EPM2A: variants seen among roughly 807,000 people sequenced by gnomAD.
EPM2A encodes laforin.
A neutral mutation model predicts 26.5 loss-of-function variants in EPM2A; 21 were observed. The observed-to-expected ratio is 0.79, with a 90% CI of 0.56 to 1.14. The LOEUF is 1.14. Among genes scored for constraint, EPM2A ranks in the 50% most tolerant of loss-of-function variants. The probability of loss-of-function intolerance (pLI) is 0.00; values close to 1 mark genes in which losing one functional copy is unlikely to be tolerated. For missense variants in EPM2A, 458 were observed against 440.8 expected (o/e 1.04, Z -0.35); for synonymous variants, 217 against 177.6 (o/e 1.22, Z -1.76).
chr6:145,415,876 T>C (rs1429386222), intron 4 of EPM2A, among the ~76,000 whole-genome samples: 2 of 152,202 alleles, frequency 1.3e-5, no homozygotes, highest in African/African-American at 2.4e-5. Context: ...CATTTGCTTA[T>C]GCTTCTCTGA....
chr6:145,594,648 A>T (rs1458110435), intron 2 of EPM2A, among the ~76,000 whole-genome samples: 1 of 151,982 alleles, frequency 6.6e-6, no homozygotes, highest in Non-Finnish European at 1.5e-5. Context: ...TTTTAAAAAT[A>T]CTTTTACTCA....
intron 2 of EPM2A, among the ~76,000 whole-genome samples, chr6:145,518,185 A>C (rs1003637790): frequency 6.6e-6 from 1 of 152,178 alleles, no homozygotes. Flanking sequence ...TGAACCATAC[A>C]TCATTTTCTC....
chr6:145,443,601 A>G (rs1392478426), intron 4 of EPM2A, among the ~76,000 whole-genome samples: 2 of 152,160 alleles, frequency 1.3e-5, no homozygotes, highest in East Asian at 3.8e-4. Flanking sequence ...ACTTTGCTGA[A>G]GTTGCTTATC....
intron 4 of EPM2A, among the ~76,000 whole-genome samples, chr6:145,465,771 T>C (rs1779383329): frequency 6.6e-6 from 1 of 152,088 alleles, no homozygotes; most frequent in South Asian, 2.1e-4. Flanking sequence ...AACAGCATGG[T>C]ACTGGTACCA....
At chr6:145,385,664 G>A (rs890927151) in intron 4 of EPM2A, among the ~76,000 whole-genome samples, 5 of 152,050 alleles carry the variant, frequency 3.3e-5, no homozygotes, top group African/African-American at 1.2e-4. Flanking sequence ...CCAAGGTGAC[G>A]GTGTTTCTGT....
At chr6:145,418,359 T>G (rs1562327162) in intron 4 of EPM2A, among the ~76,000 whole-genome samples, 1 of 152,220 alleles carries the variant, frequency 6.6e-6, no homozygotes, top group Non-Finnish European at 1.5e-5. Context: ...CAGGAATATC[T>G]CCTCCATTGT....
At chr6:145,498,006 A>G (rs1779842878), downstream of EPM2A, among the ~76,000 whole-genome samples, 6 of 152,182 alleles carry the variant, frequency 3.9e-5, no homozygotes, top group Admixed American at 3.9e-4. Flanking sequence ...TGTAGGCCCC[A>G]GTTTGGAGGT....
chr6:145,565,924 G>GA (rs1238760678), intron 2 of EPM2A, among the ~76,000 whole-genome samples: 1 of 152,120 alleles, frequency 6.6e-6, no homozygotes, highest in Non-Finnish European at 1.5e-5. Flanking sequence ...GCTTATTCAG[G>GA]AAAAAATATG....
At chr6:145,478,679 T>C (rs974418709) in intron 4 of EPM2A, among the ~76,000 whole-genome samples, 1 of 151,856 alleles carries the variant, frequency 6.6e-6, no homozygotes, top group Non-Finnish European at 1.5e-5. Flanking sequence ...AAGAAGCCTT[T>C]TCATTTCATC....
At chr6:145,491,354 A>G (rs1323362741) in intron 4 of EPM2A, among the ~76,000 whole-genome samples, 6 of 152,108 alleles carry the variant, frequency 3.9e-5, no homozygotes, top group Non-Finnish European at 8.8e-5. Context: ...AGTCAGGGCA[A>G]GTGCTTTTGG....
intron 1 of EPM2A, among the ~76,000 whole-genome samples, chr6:145,716,328 T>C (rs1775619917): frequency 2.0e-5 from 3 of 152,168 alleles, no homozygotes; most frequent in African/African-American, 7.2e-5. Context: ...TTATAAAAAA[T>C]ATGAATTCCC....
At chr6:145,632,006 A>G (rs1014929901) in intron 3 of EPM2A, 3 of 152,158 alleles carry the variant, frequency 2.0e-5, no homozygotes, top group Non-Finnish European at 2.9e-5. Context: ...TACATTATCT[A>G]TAACATCCTT....
At chr6:145,608,084 CTACA>C (rs1775307158) in intron 2 of EPM2A, among the ~76,000 whole-genome samples, 1 of 152,176 alleles carries the variant, frequency 6.6e-6, no homozygotes, top group African/African-American at 2.4e-5. Context: ...TCCCAAAATA[CTACA>C]TACAATTTTC....
intron 1 of EPM2A, among the ~76,000 whole-genome samples, chr6:145,698,734 T>C (rs1781756018): frequency 6.6e-6 from 1 of 152,030 alleles, no homozygotes; most frequent in African/African-American, 2.4e-5. Context: ...ATTTATATAA[T>C]GAAGCCCTGA....
chr6:145,539,174 T>G (rs1231147892), intron 2 of EPM2A, among the ~76,000 whole-genome samples: 1 of 152,214 alleles, frequency 6.6e-6, no homozygotes, highest in Non-Finnish European at 1.5e-5. Context: ...AATCATGGCA[T>G]GTTTATCAAT....
intron 2 of EPM2A, among the ~76,000 whole-genome samples, chr6:145,575,179 C>T (rs930138949): frequency 6.6e-6 from 1 of 152,120 alleles, no homozygotes; most frequent in East Asian, 1.9e-4. Flanking sequence ...AGGCTGATGG[C>T]AGCATGGGTT....
intron 2 of EPM2A, among the ~76,000 whole-genome samples, chr6:145,543,448 T>C (rs773151964): frequency 1.3e-5 from 2 of 152,150 alleles, no homozygotes; most frequent in Non-Finnish European, 2.9e-5. Context: ...CTTCTCATTT[T>C]CCAGATGAGA....
At chr6:145,630,944 C>T (rs1009858637) in intron 3 of EPM2A, 7 of 152,120 alleles carry the variant, frequency 4.6e-5, no homozygotes, top group East Asian at 1.9e-4. Context: ...ACTCTGAAGC[C>T]GCAGGTCTTA....
intron 4 of EPM2A, among the ~76,000 whole-genome samples, chr6:145,428,594 C>T (rs1041908937): frequency 6.6e-6 from 1 of 152,158 alleles, no homozygotes; most frequent in African/African-American, 2.4e-5. Context: ...CATCATTTTC[C>T]TTCATCTAGA....
Sources: gnomAD v4.1 joint callset for allele counts (sites outside exome capture counted in the v4.1 genomes callset) on GRCh38, gnomAD v4.1.1 for gene constraint, MANE v1.5 for transcripts, NCBI Gene and HGNC (gene_info 2026-07-23, HGNC 2026-07-21) for gene names.